Variants in BANK1 observed in about 807,000 individuals in gnomAD.
BANK1 encodes B cell scaffold protein with ankyrin repeats 1, also known as B-cell scaffold protein with ankyrin repeats.
In BANK1, 95 loss-of-function variants were observed where a neutral mutation model predicts 94.5. That is an observed-to-expected ratio of 1.00 (90% CI 0.85 to 1.19). BANK1 has a LOEUF of 1.19. BANK1 is among the 50% of genes most tolerant of loss of function. The pLI, the probability that BANK1 is intolerant of heterozygous loss-of-function variation, is 0.00. For missense variants in BANK1, 987 were observed against 932.2 expected (o/e 1.06, Z -0.77); for synonymous variants, 334 against 308.4 (o/e 1.08, Z -0.87).
chr4:101,961,722 T>G (rs1400924619), intron 7 of BANK1, among the ~76,000 whole-genome samples: 1 of 152,184 alleles, frequency 6.6e-6, no homozygotes, highest in African/African-American at 2.4e-5. Context: ...GAAATGTATC[T>G]CATATCATTT....
chr4:101,813,934 T>G, intron 1 of BANK1: 1 of 974,972 alleles, frequency 1.0e-6, no homozygotes, highest in Non-Finnish European at 1.2e-6. Context: ...CTATTCTTTG[T>G]TTTGGTATGT....
chr4:102,040,155 G>T (rs1727656800), intron 10 of BANK1, among the ~76,000 whole-genome samples: 1 of 152,038 alleles, frequency 6.6e-6, no homozygotes, highest in African/African-American at 2.4e-5. Flanking sequence ...ATGCAGCCTG[G>T]AAAGACAAGT....
At chr4:102,064,104 A>G (rs920269867) in intron 13 of BANK1, among the ~76,000 whole-genome samples, 2 of 152,184 alleles carry the variant, frequency 1.3e-5, no homozygotes, top group African/African-American at 4.8e-5. Flanking sequence ...CCCCCTGCAC[A>G]GATAATTAAA....
At position 101,972,000 on chromosome 4, in the gene BANK1, G is replaced by A. The variant is rs80164375; in HGVS notation, c.1207-49514G>A. Among the ~76,000 whole-genome samples, 712 of 152,060 alleles carry A rather than the reference G, an allele frequency of 4.7e-3. 13 individuals carry two copies. In the East Asian group the frequency reaches 0.056, roughly 12 times the overall value. On this transcript the variant is annotated intron_variant, in intron 7 of 16. Transcript: ENST00000322953. ...GTGTTTTCATGTTAACTTTAGGATC[G>A]TTTTTTCTACTCCTATGAAAAATGA...
chr4:101,892,029 C>T (rs1029393447), intron 5 of BANK1, among the ~76,000 whole-genome samples: 1 of 151,776 alleles, frequency 6.6e-6, no homozygotes, highest in Admixed American at 6.6e-5. Flanking sequence ...TGTTTCTTTA[C>T]AATCAATTTG....
At chr4:101,805,099 CA>C (rs1359606403) in intron 1 of BANK1, among the ~76,000 whole-genome samples, 1 of 152,074 alleles carries the variant, frequency 6.6e-6, no homozygotes, top group Non-Finnish European at 1.5e-5. Flanking sequence ...TTTCATACAT[CA>C]AAATGTTCTA....
At chr4:101,995,878 T>C (rs1257854366) in intron 7 of BANK1, among the ~76,000 whole-genome samples, 1 of 152,208 alleles carries the variant, frequency 6.6e-6, no homozygotes. Context: ...GCAAAAATTT[T>C]CTCCCATTCT....
At chr4:102,069,098 G>C (rs1348619598) in intron 13 of BANK1, among the ~76,000 whole-genome samples, 1 of 152,148 alleles carries the variant, frequency 6.6e-6, no homozygotes, top group African/African-American at 2.4e-5. Context: ...TGGATAATGA[G>C]AGCCAGGTTT....
intron 8 of BANK1, among the ~76,000 whole-genome samples, chr4:102,022,332 G>C (rs1726942608): frequency 6.6e-6 from 1 of 152,068 alleles, no homozygotes; most frequent in African/African-American, 2.4e-5. Context: ...GTTAAAAAAT[G>C]CTTGAAAGTC....
At chr4:101,967,803 AAAG>A (rs1219572450) in intron 7 of BANK1, among the ~76,000 whole-genome samples, 7 of 152,086 alleles carry the variant, frequency 4.6e-5, no homozygotes, top group African/African-American at 1.2e-4. Context: ...TGGGAAATAA[AAAG>A]AAGAAGAGTA....
chr4:101,808,760 A>G (rs1055042195), intron 1 of BANK1, among the ~76,000 whole-genome samples: 1 of 152,210 alleles, frequency 6.6e-6, no homozygotes, highest in African/African-American at 2.4e-5. Context: ...AATGCTCAAC[A>G]TCACTAATTA....
At chr4:101,890,981 A>G (rs1280425303) in intron 5 of BANK1, among the ~76,000 whole-genome samples, 1 of 152,022 alleles carries the variant, frequency 6.6e-6, no homozygotes, top group Non-Finnish European at 1.5e-5. Context: ...TTTTGACTAC[A>G]TACATTTAGA....
chr4:101,790,788 G>C lies in BANK1; in HGVS notation c.-93G>C, dbSNP rs1452372311. On this transcript the variant is annotated 5_prime_UTR_variant, in exon 1 of 17. Transcript: ENST00000322953. ...GGGCTGGGGAGAGCCGAGGGCCAAA[G>C]GAAGAGAAAATCGCGGGGAGTCTCT... The C allele has an allele frequency of 7.4e-7, 1 of 1,357,286 alleles. No individual in the cohort carries two copies. The highest frequency in any genetic ancestry group is 1.0e-6 in the Non-Finnish European group (1 of 985,584). The allele number at this position is 1,357,286 out of a possible 1,614,324, so 84.1% of individuals were successfully genotyped here. A position where few individuals can be genotyped will look rare whatever the true frequency, so the allele number is the denominator to read the frequency against.
intron 7 of BANK1, among the ~76,000 whole-genome samples, chr4:101,960,025 G>A (rs1724514999): frequency 6.6e-6 from 1 of 152,128 alleles, no homozygotes; most frequent in Non-Finnish European, 1.5e-5. Flanking sequence ...ATGGGTGGGT[G>A]CACTCCTTCA....
rs188279900 is a variant in BANK1, at chr4:101,964,219, A to G, written c.1206+46030A>G. On this transcript the variant is annotated intron_variant, in intron 7 of 16. Coordinates refer to ENST00000322953, the MANE Select transcript of BANK1 (RefSeq NM_017935.5). ...CTATTCATTGCATTGCTCTGTATTA[A>G]TAATGGATGGACTAAAGTTTGGTGG... Among the ~76,000 whole-genome samples the G allele has an allele frequency of 1.6e-4, 25 of 152,248 alleles. 1 individual carries two copies. The East Asian group carries it at 3.9e-3, about 24-fold the overall frequency.
intron 5 of BANK1, among the ~76,000 whole-genome samples, chr4:101,872,912 C>T (rs1728347244): frequency 6.6e-6 from 1 of 151,408 alleles, no homozygotes; most frequent in African/African-American, 2.4e-5. Context: ...CGCTTGAACC[C>T]GGGAGGTAGA....
chr4:102,011,432 A>G lies in BANK1; in HGVS notation c.1207-10082A>G, dbSNP rs530033790. Among the ~76,000 whole-genome samples the G allele has an allele frequency of 3.9e-5, 6 of 152,330 alleles. No individual in the cohort carries two copies. The South Asian group carries it at 1.2e-3, about 32-fold the overall frequency. ...ACCTATCACTTCACAACAAGGAGGTATGCAATTCTCAGGGGCAGAATGAAG... is the reference window on the plus strand; with the variant it reads ...ACCTATCACTTCACAACAAGGAGGTGTGCAATTCTCAGGGGCAGAATGAAG... On this transcript the variant is annotated intron_variant, in intron 7 of 16. Transcript: ENST00000322953.
chr4:101,987,478 T>G (rs180881465), intron 7 of BANK1, among the ~76,000 whole-genome samples: 216 of 152,242 alleles, frequency 1.4e-3, no homozygotes, highest in African/African-American at 5.2e-3. Context: ...TCCCTCTTAT[T>G]TTTCATATAT....
At chr4:101,913,478 T>C (rs945182625) in intron 6 of BANK1, among the ~76,000 whole-genome samples, 2 of 152,196 alleles carry the variant, frequency 1.3e-5, no homozygotes, top group Non-Finnish European at 2.9e-5. Flanking sequence ...CTTTGCTTCC[T>C]AGAATTACCT....
Sources: allele counts gnomAD v4.1 joint callset (sites outside exome capture counted in the v4.1 genomes callset), GRCh38; gene constraint gnomAD v4.1.1; transcripts MANE v1.5; gene names NCBI Gene and HGNC (gene_info 2026-07-23, HGNC 2026-07-21).